The following RREB1 variants were observed in gnomAD, a reference collection of about 807,000 sequenced individuals.
RREB1 encodes the protein ras-responsive element-binding protein 1.
RREB1 carries 27 observed loss-of-function variants against 117.8 expected under a neutral mutation model. That is an observed-to-expected ratio of 0.23 (90% CI 0.17 to 0.32). The LOEUF (loss-of-function observed/expected upper bound fraction) is 0.32. Ranked by LOEUF, RREB1 falls within the 10% of genes least tolerant of loss-of-function variation. RREB1 has a pLI of 1.00. For missense variants in RREB1, 2,577 were observed against 2,378.2 expected (o/e 1.08, Z -1.74); for synonymous variants, 1,298 against 1,026.7 (o/e 1.26, Z -5.05).
Position 7,201,979 on chromosome 6 carries a change from C to T in RREB1, c.426-8825C>T, listed in dbSNP as rs535191853. 4.0e-5 allele frequency among the ~76,000 whole-genome samples: 6 copies of T among 148,930 alleles called. No individual in the cohort carries two copies. In the South Asian group the frequency reaches 6.3e-4, roughly 16 times the overall value. The stretch of plus-strand genomic sequence containing the variant: ...CGTTTTAGATAAAAGTGGCTATAGA[C>T]GGCCTTGGTCATACAGAAGGGCTCT... On this transcript the variant is annotated intron_variant, in intron 6 of 12. Coordinates refer to ENST00000379938, the MANE Select transcript of RREB1 (RefSeq NM_001003699.4).
chr6:7,111,128 G>A (rs768688284), intron 1 of RREB1, among the ~76,000 whole-genome samples: 4 of 152,216 alleles, frequency 2.6e-5, no homozygotes, highest in South Asian at 2.1e-4. Context: ...AAACCTACAC[G>A]TATTAGTCCA....
Position 7,182,023 on chromosome 6 carries a change from C to G in RREB1, c.112C>G (p.Gln38Glu). The G allele has an allele frequency of 6.2e-7, 1 of 1,614,190 alleles. No homozygotes were observed. Among genetic ancestry groups the G allele is most frequent in the Non-Finnish European group, 8.5e-7 (1 of 1,180,024 alleles). ...GGTCACAGAGAATGGCGGGAGCCCC[C>G]AGGGGATCAAGTCCCCCTCGAAGCC... Reference protein sequence around the residue: ...GKVTENGGSPQGIKSPSKPPG... With the variant: ...GKVTENGGSPEGIKSPSKPPG... Residue 38 changes from glutamine to glutamate, a missense_variant, in exon 4 of 13, where the codon CAG (glutamine) becomes GAG (glutamate). Transcript: ENST00000379938.
chr6:7,118,417 G>A (rs1025856458), intron 1 of RREB1, among the ~76,000 whole-genome samples: 3 of 152,232 alleles, frequency 2.0e-5, no homozygotes, highest in South Asian at 2.1e-4. Context: ...CACCGCTCCC[G>A]CCCAGAAAAT....
rs759274004 is a variant in RREB1 at position 7,231,432 on chromosome 6, C to CGCCACCACCGCCACCCCCGCT, written c.3343_3363dup (p.Ala1115_Thr1121dup). 11 of 1,612,620 alleles carry CGCCACCACCGCCACCCCCGCT rather than the reference C, an allele frequency of 6.8e-6. No homozygotes were observed. The highest frequency in any genetic ancestry group is 3.3e-5 in the Admixed American group (2 of 60,010). ...GCTTAGGAGGTTCTGTCCCCAAAGC[C>CGCCACCACCGCCACCCCCGCT]GCCACCACCGCCACCCCCGCTGCCA... On this transcript the variant is annotated inframe_insertion, in exon 10 of 13. Transcript: ENST00000379938.
At chr6:7,187,013 T>C (rs7751840) in intron 4 of RREB1, among the ~76,000 whole-genome samples, 8,698 of 152,238 alleles carry the variant, frequency 0.057, 832 homozygotes, top group African/African-American at 0.2. Flanking sequence ...TTGGAGACCC[T>C]GAAACCTGTT....
At position 7,230,673 on chromosome 6, in the gene RREB1, C is replaced by G. The variant is rs116759588; in HGVS notation, c.2574C>G (p.Pro858=). 514 of 1,594,870 alleles carry G rather than the reference C, an allele frequency of 3.2e-4. 2 individuals carry two copies. In the East Asian group the frequency reaches 9.5e-3, roughly 29 times the overall value. The part of the protein sequence containing the change: ...SGCAALGDCK[P]LTAFLEPQNG... The stretch of plus-strand genomic sequence containing the variant: ...GCGCTGCCCTTGGTGACTGCAAGCC[C>G]CTCACTGCCTTCCTGGAACCCCAGA... The change falls in exon 10 of 13, where the codon CCC becomes CCG. Residue 858 remains proline (P), a synonymous_variant. Transcript: ENST00000379938.
chr6:7,194,819 C>G (rs1010629578), intron 6 of RREB1, among the ~76,000 whole-genome samples: 1 of 152,158 alleles, frequency 6.6e-6, no homozygotes, highest in Non-Finnish European at 1.5e-5. Flanking sequence ...GAGGGAGTTT[C>G]TGAGTCTGTA....
chr6:7,172,616 G>A (rs560042931), intron 1 of RREB1, among the ~76,000 whole-genome samples: 17 of 152,138 alleles, frequency 1.1e-4, no homozygotes, highest in African/African-American at 2.9e-4. Flanking sequence ...AGCAGCTCAC[G>A]GTGCCCCATG....
Position 7,229,645 on chromosome 6 carries a change from C to T in RREB1, c.1546C>T (p.Arg516Trp), listed in dbSNP as rs765864789. The T allele has an allele frequency of 8.7e-6, 14 of 1,612,620 alleles. No homozygotes were observed. Among genetic ancestry groups the T allele is most frequent in the Non-Finnish European group, 1.0e-5 (12 of 1,179,630 alleles). The change falls in exon 10 of 13, where the codon CGG (arginine) becomes TGG (tryptophan). Residue 516 changes from arginine to tryptophan, a missense_variant. Transcript: ENST00000379938. This position sits in a 1 kb window ranked among gnomAD's most constrained non-coding sequence, Gnocchi z 4.5. ...PLKPKPLVTP[R>W]TVVATSTPPP... is the part of the protein sequence containing the mutation. The stretch of plus-strand genomic sequence containing the variant: ...GAAGCCAAAGCCCCTGGTCACACCA[C>T]GGACGGTGGTGGCCACCTCCACGCC...
At chr6:7,228,836 G>C (rs957921093) in intron 9 of RREB1, among the ~76,000 whole-genome samples, 161 bp from the exon 10 acceptor site, 1 of 151,794 alleles carries the variant, frequency 6.6e-6, no homozygotes, top group African/African-American at 2.4e-5. Context: ...GTAGAGATAC[G>C]GGATCTTGCT....
Position 7,231,914 on chromosome 6 carries a change from G to A in RREB1, c.3808+7G>A. ...CACATGCTCACACACACTGGTAAGA[G>A]GGCCACCGGGCTCCCAGGCAGTGAG... On this transcript the variant is annotated splice_region_variant and intron_variant, in intron 10 of 12. Transcript: ENST00000379938. 1.3e-6 allele frequency: 2 copies of A among 1,573,062 alleles called. No individual in the cohort carries two copies. Among genetic ancestry groups the A allele is most frequent in the African/African-American group, 1.3e-5 (1 of 74,248 alleles).
chr6:7,141,805 A>G (rs1762606589), intron 1 of RREB1, among the ~76,000 whole-genome samples: 1 of 152,214 alleles, frequency 6.6e-6, no homozygotes, highest in Admixed American at 6.5e-5. Flanking sequence ...TGTAGGACAG[A>G]GCCCAGGAGA....
rs776573900 is a variant in RREB1, at chr6:7,226,539, A to T, written c.780A>T (p.Gln260His). 1.2e-6 allele frequency: 2 copies of T among 1,614,080 alleles called. No individual in the cohort carries two copies. The highest frequency in any genetic ancestry group is 1.7e-6 in the Non-Finnish European group (2 of 1,179,992). Residue 260 changes from glutamine (Q) to histidine (H), a missense_variant, in exon 9 of 13, where the codon CAA (glutamine) becomes CAT (histidine). Gln to His is a conservative substitution (Grantham distance 24). Coordinates refer to ENST00000379938, the MANE Select transcript of RREB1 (RefSeq NM_001003699.4). ...GTCACAACGCGCTTGTCCACAAACAACTTCCCAGGGATGCAATGGGCAGAC... is the reference window on the plus strand; with the variant it reads ...GTCACAACGCGCTTGTCCACAAACATCTTCCCAGGGATGCAATGGGCAGAC... ...LLRHNALVHK[Q>H]LPRDAMGRPF...
Position 7,248,492 on chromosome 6 carries a change from C to A in RREB1, c.4772-19C>A, listed in dbSNP as rs1049274499. 4.4e-6 allele frequency: 7 copies of A among 1,608,068 alleles called. No individual in the cohort carries two copies. In the African/African-American group the frequency reaches 8.0e-5, roughly 18 times the overall value. On this transcript the variant is annotated intron_variant, in intron 12 of 12. Coordinates refer to ENST00000379938, the MANE Select transcript of RREB1 (RefSeq NM_001003699.4). ...TGGTGCCTTTTGGTTAATGGAAATT[C>A]TTTCTTCCATTGTTCCAGGGGAAAG...
chr6:7,144,525 T>G (rs1762772068), intron 1 of RREB1, among the ~76,000 whole-genome samples: 1 of 152,212 alleles, frequency 6.6e-6, no homozygotes, highest in Non-Finnish European at 1.5e-5. Context: ...GATTTTCACT[T>G]CTGTTTTGTT....
rs937865369 is a variant in RREB1 at position 7,181,263 on chromosome 6, C to T, written c.-43+17C>T. On this transcript the variant is annotated intron_variant, in intron 3 of 12. Transcript: ENST00000379938. The stretch of plus-strand genomic sequence containing the variant: ...AAAATGGAGGTAATCAGCAGTGTGG[C>T]GGGAGGGTTCTTCTTTCCCTCCTAG... 3.3e-5 allele frequency: 13 copies of T among 398,760 alleles called. No homozygotes were observed. Among genetic ancestry groups the T allele is most frequent in the Admixed American group, 3.1e-4 (7 of 22,718 alleles). 24.7% of individuals were successfully genotyped at this position (398,760 alleles called of 1,614,324 possible).
chr6:7,201,974 A>G (rs1561778094), intron 6 of RREB1, among the ~76,000 whole-genome samples: 2 of 149,928 alleles, frequency 1.3e-5, no homozygotes, highest in African/African-American at 2.4e-5. Flanking sequence ...AAAAGTGGCT[A>G]TAGACGGCCT....
At chr6:7,210,215 C>G (rs867097407) in intron 6 of RREB1, among the ~76,000 whole-genome samples, 1 of 152,114 alleles carries the variant, frequency 6.6e-6, no homozygotes, top group Non-Finnish European at 1.5e-5. Flanking sequence ...TTCCACTGTC[C>G]GAGTTAACTC....
rs144141332 is a variant in RREB1 at position 7,229,535 on chromosome 6, C to T, written c.1436C>T (p.Ser479Leu). 33 of 1,613,986 alleles carry T rather than the reference C, an allele frequency of 2.0e-5. No individual in the cohort carries two copies. Among genetic ancestry groups the T allele is most frequent in the Non-Finnish European group, 2.5e-5 (29 of 1,180,016 alleles). ...DIQQILKMAA[S>L]APPQISLPPF... Reference sequence around the variant, plus strand: ...CAGCAAATTCTGAAGATGGCAGCCTCGGCTCCCCCTCAGATCAGTCTTCCG... The same window carrying T: ...CAGCAAATTCTGAAGATGGCAGCCTTGGCTCCCCCTCAGATCAGTCTTCCG... Residue 479 changes from serine to leucine, a missense_variant, in exon 10 of 13, where the codon TCG becomes TTG. Physicochemically the swap from Ser to Leu is moderately radical, Grantham distance 145. Coordinates refer to ENST00000379938, the MANE Select transcript of RREB1 (RefSeq NM_001003699.4). This position sits in a 1 kb window ranked among gnomAD's most constrained non-coding sequence, Gnocchi z 4.5.
Sources: gnomAD v4.1 joint callset for allele counts (sites outside exome capture counted in the v4.1 genomes callset) on GRCh38, gnomAD v4.1.1 for gene constraint, Gnocchi (gnomAD v3.1) non-coding constraint, MANE v1.5 for transcripts, NCBI Gene and HGNC (gene_info 2026-07-23, HGNC 2026-07-21) for gene names.